Variants in TP63 observed in about 807,000 individuals in gnomAD.
TP63 encodes the protein tumor protein 63.
TP63 carries 17 observed loss-of-function variants against 82.8 expected under a neutral mutation model. The ratio of observed to expected loss-of-function variants is 0.21; its 90% CI spans 0.14 to 0.31. TP63 has a LOEUF of 0.31. TP63 is among the 10% of genes least tolerant of loss of function. The pLI, the probability that TP63 is intolerant of heterozygous loss-of-function variation, is 1.00. For synonymous variants in TP63, 330 were observed against 321.7 expected, an observed-to-expected ratio of 1.03 and a Z score of -0.28; for missense variants, 648 against 895.3, an observed-to-expected ratio of 0.72 and a Z score of 3.52.
intron 3 of TP63, among the ~76,000 whole-genome samples, chr3:189,778,611 T>G (rs1455562625): frequency 6.6e-6 from 1 of 152,210 alleles, no homozygotes; most frequent in Admixed American, 6.5e-5. Context: ...CAAGAACTTA[T>G]TATTGTTGCT....
At chr3:189,859,523 C>T (rs936209175) in intron 4 of TP63, among the ~76,000 whole-genome samples, 6 of 152,030 alleles carry the variant, frequency 3.9e-5, no homozygotes, top group Non-Finnish European at 7.4e-5. Flanking sequence ...TGCATACATA[C>T]CAGAATGACA....
intron 3 of TP63, among the ~76,000 whole-genome samples, chr3:189,759,238 T>A (rs1173848363): frequency 6.6e-6 from 1 of 152,208 alleles, no homozygotes; most frequent in African/African-American, 2.4e-5. Flanking sequence ...CCAGATCTAC[T>A]GAATCAGAAA....
intron 1 of TP63, among the ~76,000 whole-genome samples, chr3:189,677,333 T>TATATATATAA (rs1252694245): frequency 1.8e-4 from 26 of 142,490 alleles, no homozygotes; most frequent in African/African-American, 7.2e-4. Context: ...CACACATATT[T>TATATATATAA]ATATATATAA....
chr3:189,762,196 A>G (rs577737433), intron 3 of TP63, among the ~76,000 whole-genome samples: 173 of 152,366 alleles, frequency 1.1e-3, no homozygotes, highest in Admixed American at 2.6e-3. Flanking sequence ...GATTCTTTAC[A>G]GATGCAAATT....
At chr3:189,770,620 G>A (rs1392524407) in intron 3 of TP63, among the ~76,000 whole-genome samples, 1 of 152,040 alleles carries the variant, frequency 6.6e-6, no homozygotes, top group East Asian at 1.9e-4. Flanking sequence ...AAGTTAAGCA[G>A]CAACAATTTA....
At chr3:189,673,116 G>C (rs1234155930) in intron 1 of TP63, among the ~76,000 whole-genome samples, 3 of 152,040 alleles carry the variant, frequency 2.0e-5, no homozygotes, top group Non-Finnish European at 4.4e-5. Flanking sequence ...GCAGATTACC[G>C]GCATGAGCCA....
At chr3:189,755,665 A>T (rs2108529005) in intron 3 of TP63, among the ~76,000 whole-genome samples, 1 of 152,304 alleles carries the variant, frequency 6.6e-6, no homozygotes, top group South Asian at 2.1e-4. Context: ...ATTATTGGGT[A>T]AAATTGTATA....
At chr3:189,835,925 A>G (rs1267498001) in intron 4 of TP63, among the ~76,000 whole-genome samples, 1 of 44,868 alleles carries the variant, frequency 2.2e-5, no homozygotes, top group Admixed American at 1.8e-4. Flanking sequence ...AAATAATAAT[A>G]ATAATAATAA....
intron 4 of TP63, among the ~76,000 whole-genome samples, chr3:189,833,482 C>T (rs1411338856): frequency 6.6e-6 from 1 of 152,168 alleles, no homozygotes. Flanking sequence ...TCACAATTCC[C>T]CTGTGACCTG....
chr3:189,703,350 T>G (rs999104061), intron 1 of TP63, among the ~76,000 whole-genome samples: 3 of 151,964 alleles, frequency 2.0e-5, no homozygotes, highest in Admixed American at 6.6e-5. Flanking sequence ...AGGAGGAGAC[T>G]GGGAGGTGGA....
intron 13 of TP63, among the ~76,000 whole-genome samples, chr3:189,892,090 T>C (rs1721082571): frequency 6.6e-6 from 1 of 152,112 alleles, no homozygotes; most frequent in Admixed American, 6.5e-5. Flanking sequence ...TAAGAGTAAG[T>C]TCCAGTATTA....
At chr3:189,781,440 A>C (rs890966492) in intron 3 of TP63, among the ~76,000 whole-genome samples, 1 of 152,192 alleles carries the variant, frequency 6.6e-6, no homozygotes, top group Non-Finnish European at 1.5e-5. Context: ...AACTGTGGCT[A>C]CTAGCGGACA....
At chr3:189,627,830 G>T (rs553674299), upstream of TP63, among the ~76,000 whole-genome samples, 9 of 152,196 alleles carry the variant, frequency 5.9e-5, no homozygotes, top group South Asian at 1.7e-3. Flanking sequence ...TGTCTAATGT[G>T]TCACCTCCTC....
intron 1 of TP63, among the ~76,000 whole-genome samples, chr3:189,647,990 A>G (rs1712567511): frequency 1.9e-5 from 2 of 108,094 alleles, no homozygotes; most frequent in Admixed American, 2.2e-4. Context: ...ACATAGAAAG[A>G]TTAAATAAAC....
At chr3:189,759,036 T>G (rs1470753529) in intron 3 of TP63, among the ~76,000 whole-genome samples, 1 of 152,254 alleles carries the variant, frequency 6.6e-6, no homozygotes, top group Admixed American at 6.5e-5. Flanking sequence ...GCCAGTCTAA[T>G]GATTAAGAGC....
chr3:189,866,604 C>T (rs574261681), intron 5 of TP63, 78 bp from the exon 6 acceptor site: 3 of 1,312,700 alleles, frequency 2.3e-6, no homozygotes, highest in African/African-American at 1.5e-5. Context: ...CCACCAACAT[C>T]CTGTTCATGC....
chr3:189,648,848 C>G (rs1474090263), intron 1 of TP63, among the ~76,000 whole-genome samples: 2 of 103,018 alleles, frequency 1.9e-5, no homozygotes, highest in African/African-American at 3.3e-5. Context: ...AGCCATAGAA[C>G]TATTATTAGT....
At position 189,792,772 on chromosome 3, in the gene TP63, T is replaced by C. The variant is rs978684409; in HGVS notation, c.325-15500T>C. 2.6e-5 allele frequency among the ~76,000 whole-genome samples: 4 copies of C among 151,978 alleles called. No individual in the cohort carries two copies. In the East Asian group the frequency reaches 5.8e-4, roughly 22 times the overall value. On this transcript the variant is annotated intron_variant, in intron 3 of 13. Coordinates refer to ENST00000264731, the MANE Select transcript of TP63 (RefSeq NM_003722.5). ...AGTAGATGCTCCAAAACAGTTTCCATGAAGAACAGTTGTACAAAGCCAGTT... is the reference window on the plus strand; with the variant it reads ...AGTAGATGCTCCAAAACAGTTTCCACGAAGAACAGTTGTACAAAGCCAGTT...
chr3:189,834,247 G>C (rs1712793010), intron 4 of TP63, among the ~76,000 whole-genome samples: 1 of 152,124 alleles, frequency 6.6e-6, no homozygotes, highest in Non-Finnish European at 1.5e-5. Flanking sequence ...GCCCAGGTTG[G>C]AGTTTGGGAA....
Sources: gnomAD v4.1 joint callset for allele counts (sites outside exome capture counted in the v4.1 genomes callset) on GRCh38, gnomAD v4.1.1 for gene constraint, MANE v1.5 for transcripts, NCBI Gene and HGNC (gene_info 2026-07-23, HGNC 2026-07-21) for gene names.